FHIT: variants seen among roughly 807,000 people sequenced by gnomAD.
The protein encoded by FHIT is bis(5'-adenosyl)-triphosphatase.
Under a neutral mutation model 17.9 loss-of-function variants are expected in FHIT, and 19 were observed. That is an observed-to-expected ratio of 1.06 (90% CI 0.74 to 1.56). The LOEUF (loss-of-function observed/expected upper bound fraction) is 1.56, where lower values mean the gene tolerates loss of function less well. Among genes scored for constraint, FHIT ranks in the 40% most tolerant of loss-of-function variants. FHIT has a pLI of 0.00. For synonymous variants in FHIT, 81 were observed against 69.7 expected, an observed-to-expected ratio of 1.16 and a Z score of -0.81; for missense variants, 248 against 189.2, an observed-to-expected ratio of 1.31 and a Z score of -1.82.
intron 4 of FHIT, among the ~76,000 whole-genome samples, chr3:60,621,473 C>T (rs950580515): frequency 7.9e-5 from 12 of 151,982 alleles, no homozygotes; most frequent in Middle Eastern, 3.4e-3. Flanking sequence ...AATATGCTTA[C>T]TATTACACTT....
chr3:60,646,504 T>C (rs1459889586), intron 4 of FHIT, among the ~76,000 whole-genome samples: 2 of 152,308 alleles, frequency 1.3e-5, no homozygotes, highest in East Asian at 3.9e-4. Context: ...CATTTTCAGA[T>C]TCAATTTCAT....
rs565716130 is a variant in FHIT at position 60,003,738 on chromosome 3, C to CT, written c.279+7632dup. Among the ~76,000 whole-genome samples, 255 of 152,152 alleles carry CT rather than the reference C, an allele frequency of 1.7e-3. 2 individuals carry two copies. The highest frequency in any genetic ancestry group is 5.9e-3 in the African/African-American group (245 of 41,516). On this transcript the variant is annotated intron_variant, in intron 7 of 9. Coordinates refer to ENST00000492590, the MANE Select transcript of FHIT (RefSeq NM_002012.4). Reference sequence around the variant, plus strand: ...TCAGCCTGGGCAACAAAGCGAGACTCTGTCTCAAAAAAATAAAAATAAAAC... The same window carrying CT: ...TCAGCCTGGGCAACAAAGCGAGACTCTTGTCTCAAAAAAATAAAAATAAAAC...
intron 4 of FHIT, among the ~76,000 whole-genome samples, chr3:60,687,142 A>C (rs967579931): frequency 4.6e-5 from 7 of 152,208 alleles, no homozygotes; most frequent in Admixed American, 4.6e-4. Context: ...ATCTTGTATT[A>C]TGCTGCGTAA....
chr3:60,295,116 G>T (rs1708149489), intron 5 of FHIT, among the ~76,000 whole-genome samples: 1 of 152,098 alleles, frequency 6.6e-6, no homozygotes, highest in Non-Finnish European at 1.5e-5. Flanking sequence ...CCAGGTCAGT[G>T]GCACAGGCCT....
At chr3:60,549,189 A>G (rs2036466011) in intron 4 of FHIT, among the ~76,000 whole-genome samples, 1 of 152,206 alleles carries the variant, frequency 6.6e-6, no homozygotes, top group African/African-American at 2.4e-5. Flanking sequence ...CTTATCACAA[A>G]AATGGTATGT....
At chr3:60,065,997 C>G (rs1353487048) in intron 5 of FHIT, among the ~76,000 whole-genome samples, 1 of 152,158 alleles carries the variant, frequency 6.6e-6, no homozygotes, top group African/African-American at 2.4e-5. Flanking sequence ...TCCAGGAGGT[C>G]TTCTTGTTAC....
At chr3:60,709,641 T>C (rs553710471) in intron 4 of FHIT, among the ~76,000 whole-genome samples, 24 of 152,342 alleles carry the variant, frequency 1.6e-4, no homozygotes, top group East Asian at 1.5e-3. Flanking sequence ...ATCTTCCAAA[T>C]GTTGACACCT....
intron 5 of FHIT, among the ~76,000 whole-genome samples, chr3:60,441,724 T>A (rs376496986): frequency 0.64 from 39,980 of 62,284 alleles, 12,391 homozygotes; most frequent in Non-Finnish European, 0.74. Context: ...ATATATATAT[T>A]TGTATTTATA....
At chr3:59,926,924 A>G (rs1442981888) in intron 7 of FHIT, among the ~76,000 whole-genome samples, 1 of 152,222 alleles carries the variant, frequency 6.6e-6, no homozygotes, top group African/African-American at 2.4e-5. Context: ...CAGTTCCTCA[A>G]AAAGTTGAAC....
At chr3:60,876,774 G>A (rs782437814) in intron 3 of FHIT, among the ~76,000 whole-genome samples, 2 of 152,206 alleles carry the variant, frequency 1.3e-5, no homozygotes, top group South Asian at 2.1e-4. Context: ...CTTCCACAGT[G>A]ACAGCCAAAA....
chr3:60,143,368 C>T (rs544328828), intron 5 of FHIT, among the ~76,000 whole-genome samples: 203 of 152,156 alleles, frequency 1.3e-3, no homozygotes, highest in African/African-American at 4.6e-3. Context: ...CAGTTCTCAC[C>T]CTCTGCCTTA....
At chr3:60,920,020 C>T (rs62251573) in intron 3 of FHIT, among the ~76,000 whole-genome samples, 35,988 of 149,450 alleles carry the variant, frequency 0.24, 5,422 homozygotes, top group East Asian at 0.63. Flanking sequence ...GGCGACAGAG[C>T]GAGACTCCGT....
chr3:61,197,218 T>C (rs2038877329), intron 2 of FHIT, among the ~76,000 whole-genome samples: 1 of 152,200 alleles, frequency 6.6e-6, no homozygotes. Flanking sequence ...AGCACTTTCA[T>C]ATATATTGTC....
At chr3:60,070,872 G>A (rs548029598) in intron 5 of FHIT, among the ~76,000 whole-genome samples, 24 of 152,238 alleles carry the variant, frequency 1.6e-4, no homozygotes, top group African/African-American at 3.4e-4. Flanking sequence ...TAAGGGATTC[G>A]GCTAAAATCC....
intron 5 of FHIT, among the ~76,000 whole-genome samples, chr3:60,200,471 C>T (rs1280455709): frequency 6.6e-6 from 1 of 152,102 alleles, no homozygotes; most frequent in Non-Finnish European, 1.5e-5. Context: ...TTTTCCTATA[C>T]ATGACCAAAA....
At chr3:59,914,386 T>C (rs770021613) in intron 8 of FHIT, among the ~76,000 whole-genome samples, 3 of 152,156 alleles carry the variant, frequency 2.0e-5, no homozygotes, top group Non-Finnish European at 4.4e-5. Context: ...CATCAGGCTA[T>C]GTTTCCAGGA....
intron 4 of FHIT, among the ~76,000 whole-genome samples, chr3:60,669,308 A>T (rs1001855496): frequency 6.6e-6 from 1 of 152,214 alleles, no homozygotes; most frequent in Non-Finnish European, 1.5e-5. Context: ...AAACTTGCTT[A>T]ATGTGATTTA....
intron 3 of FHIT, among the ~76,000 whole-genome samples, chr3:60,995,511 C>G (rs1180969638): frequency 2.6e-5 from 4 of 152,122 alleles, no homozygotes; most frequent in African/African-American, 4.8e-5. Context: ...GCTCTTCATG[C>G]TGTAGGAACA....
intron 8 of FHIT, among the ~76,000 whole-genome samples, chr3:59,854,609 T>C (rs1327800527): frequency 2.6e-5 from 4 of 152,192 alleles, no homozygotes; most frequent in Admixed American, 2.0e-4. Flanking sequence ...ATCCAGAGCT[T>C]ATTTTATTTA....
Sources: allele counts gnomAD v4.1 joint callset (sites outside exome capture counted in the v4.1 genomes callset), GRCh38; gene constraint gnomAD v4.1.1; transcripts MANE v1.5; gene names NCBI Gene and HGNC (gene_info 2026-07-23, HGNC 2026-07-21).